The following CEP170B variants were observed in gnomAD, a reference collection of about 807,000 sequenced individuals.
CEP170B encodes the protein centrosomal protein 170B.
A neutral mutation model predicts 120.6 loss-of-function variants in CEP170B; 55 were observed. The ratio of observed to expected loss-of-function variants is 0.46; its 90% CI spans 0.37 to 0.57. The LOEUF (loss-of-function observed/expected upper bound fraction) is 0.57. CEP170B is among the 20% of genes least tolerant of loss of function. The probability of loss-of-function intolerance (pLI) is 0.00; values close to 1 mark genes in which losing one functional copy is unlikely to be tolerated. For missense variants in CEP170B, 2,212 were observed against 2,253.3 expected, an observed-to-expected ratio of 0.98 and a Z score of 0.37; for synonymous variants, 1,033 against 954.5, an observed-to-expected ratio of 1.08 and a Z score of -1.52.
At chr14:104,877,543 G>A (rs1313769715) in intron 3 of CEP170B, among the ~76,000 whole-genome samples, 1 of 152,242 alleles carries the variant, frequency 6.6e-6, no homozygotes, top group South Asian at 2.1e-4. Context: ...GCCAAGGTGG[G>A]GGCTGGGGCC....
At position 104,888,542 on chromosome 14, in the gene CEP170B, G is replaced by A. The variant is rs529862019; in HGVS notation, c.3739+564G>A. Among the ~76,000 whole-genome samples, 4 of 152,368 alleles carry A rather than the reference G, an allele frequency of 2.6e-5. No homozygotes were observed. In the South Asian group the frequency reaches 8.3e-4, roughly 32 times the overall value. On this transcript the variant is annotated intron_variant, in intron 12 of 18. Coordinates refer to ENST00000414716, the MANE Select transcript of CEP170B (RefSeq NM_001112726.3). The stretch of plus-strand genomic sequence containing the variant: ...TGCCCTGCCCCCCAGATGTCCATGG[G>A]CACAGCAAGCGGGGATGGTCCTCTG...
In CEP170B at chr14:104,883,856, G is replaced by C; in HGVS notation, c.1077G>C (p.Gln359His). 6.4e-7 allele frequency: 1 copy of C among 1,568,238 alleles called. No individual in the cohort carries two copies. Among genetic ancestry groups the C allele is most frequent in the Non-Finnish European group, 8.6e-7 (1 of 1,157,454 alleles). ...LKGHKHEDGT[Q>H]SDSEDPLAKA... is the part of the protein sequence containing the mutation. ...GCCACAAGCACGAGGACGGCACGCA[G>C]AGTGACTCAGAGGACCCCCTGGCCA... The change falls in exon 9 of 19, where the codon CAG becomes CAC. Residue 359 changes from glutamine (Q) to histidine (H), a missense_variant. Coordinates refer to ENST00000414716, the MANE Select transcript of CEP170B (RefSeq NM_001112726.3).
chr14:104,887,434 C>G lies in CEP170B; in HGVS notation c.3195C>G (p.His1065Gln), dbSNP rs371581289. Residue 1065 changes from histidine (H) to glutamine (Q), a missense_variant, in exon 12 of 19, where the codon CAC (histidine) becomes CAG (glutamine). Around this residue, in one of 2 missense-constraint regions of CEP170B, gnomAD observed 2,166 missense variants for 2,166.7 expected, o/e 1.00. Transcript: ENST00000414716. ...GCTCAGATGTGATGGCCTCCAACCACGAAACCCCTGAGGCCACCGGGGCAG... is the reference window on the plus strand; with the variant it reads ...GCTCAGATGTGATGGCCTCCAACCAGGAAACCCCTGAGGCCACCGGGGCAG... ...LPSSDVMASN[H>Q]ETPEATGAGR... is the part of the protein sequence containing the mutation. The G allele has an allele frequency of 6.2e-7, 1 of 1,611,426 alleles. No individual in the cohort carries two copies. The highest frequency in any genetic ancestry group is 1.3e-5 in the African/African-American group (1 of 75,056).
intron 7 of CEP170B, 47 bp from the exon 8 acceptor site, chr14:104,882,988 C>T: frequency 1.4e-6 from 2 of 1,469,596 alleles, no homozygotes; most frequent in Non-Finnish European, 1.8e-6. Flanking sequence ...AGGGTGGTGG[C>T]AGGTGGTTAC....
chr14:104,893,132 G>C lies in CEP170B; in HGVS notation c.4035G>C (p.Glu1345Asp). The change falls in exon 14 of 19, where the codon GAG (glutamate) becomes GAC (aspartate). Residue 1345 changes from glutamate (E) to aspartate (D), a missense_variant. Physicochemically the swap from Glu to Asp is conservative, Grantham distance 45. This residue lies in a region of CEP170B where 2,166 missense variants were observed against 2,166.7 expected (regional missense o/e 1.00). Transcript: ENST00000414716. ...STPASTISAR[E>D]ELVQRIPEAS... Reference sequence around the variant, plus strand: ...CCGCCTCGACCATCTCTGCCCGGGAGGAGGTGAGCCCCAGGCTTTCTGAGG... The same window carrying C: ...CCGCCTCGACCATCTCTGCCCGGGACGAGGTGAGCCCCAGGCTTTCTGAGG... The C allele has an allele frequency of 1.2e-6, 2 of 1,608,234 alleles. No individual in the cohort carries two copies. Among genetic ancestry groups the C allele is most frequent in the Non-Finnish European group, 1.7e-6 (2 of 1,178,706 alleles).
rs1595337698 is a variant in CEP170B at position 104,882,806 on chromosome 14, C to G, written c.551C>G (p.Ala184Gly). 2 of 1,612,130 alleles carry G rather than the reference C, an allele frequency of 1.2e-6. No homozygotes were observed. Among genetic ancestry groups the G allele is most frequent in the Admixed American group, 1.7e-5 (1 of 59,974 alleles). ...GEDDGSTLPD[A>G]QRQGEPYPER... Reference sequence around the variant, plus strand: ...GACGATGGTAGCACGCTGCCTGACGCCCAGCGCCAGGGAGAGCCCTACCCA... The same window carrying G: ...GACGATGGTAGCACGCTGCCTGACGGCCAGCGCCAGGGAGAGCCCTACCCA... Residue 184 changes from alanine (A) to glycine (G), a missense_variant, in exon 7 of 19, where the codon GCC (alanine) becomes GGC (glycine). Ala to Gly is a moderately conservative substitution (Grantham distance 60). Around this residue, in one of 2 missense-constraint regions of CEP170B, gnomAD observed 2,166 missense variants for 2,166.7 expected, o/e 1.00. Transcript: ENST00000414716.
rs1302396037 is a variant in CEP170B at position 104,883,302 on chromosome 14, A to G, written c.845A>G (p.Lys282Arg). The G allele has an allele frequency of 1.2e-6, 2 of 1,612,044 alleles. No homozygotes were observed. Among genetic ancestry groups the G allele is most frequent in the East Asian group, 4.5e-5 (2 of 44,836 alleles). The change falls in exon 8 of 19, where the codon AAG becomes AGG. Residue 282 changes from lysine (K) to arginine (R), a missense_variant. Around this residue, in one of 2 missense-constraint regions of CEP170B, gnomAD observed 2,166 missense variants for 2,166.7 expected, o/e 1.00. Coordinates refer to ENST00000414716, the MANE Select transcript of CEP170B (RefSeq NM_001112726.3). ...GATGACTGCAGCCCTGGCAAGATGA[A>G]GATCAAGGACCATATCACCAAGTTT... is the stretch of plus-strand genomic sequence containing the variant. ...EFDDCSPGKM[K>R]IKDHITKFSL...
In CEP170B at chr14:104,884,195, A is replaced by G. The variant is rs1401852375; in HGVS notation, c.1416A>G (p.Thr472=). 7 of 1,545,564 alleles carry G rather than the reference A, an allele frequency of 4.5e-6. No individual in the cohort carries two copies. Among genetic ancestry groups the G allele is most frequent in the Non-Finnish European group, 3.5e-6 (4 of 1,148,002 alleles). Residue 472 remains threonine (T), a synonymous_variant, in exon 9 of 19, where the codon ACA becomes ACG. Transcript: ENST00000414716. ...QRAGSLKREK[T]EERLGSPSPA... ...CCGGCTCGCTCAAGCGGGAGAAGAC[A>G]GAGGAACGGCTGGGCAGCCCCTCGC...
rs528418617 is a variant in CEP170B at position 104,893,516 on chromosome 14, C to T, written c.4039-7C>T. The stretch of plus-strand genomic sequence containing the variant: ...GGGGCCCACGGTGCCGGCCCTCCCT[C>T]TTGCAGCTGGTGCAGCGCATCCCCG... On this transcript the variant is annotated splice_polypyrimidine_tract_variant and splice_region_variant and intron_variant, in intron 14 of 18. Transcript: ENST00000414716. 6.2e-7 allele frequency: 1 copy of T among 1,601,098 alleles called. No homozygotes were observed. The highest frequency in any genetic ancestry group is 8.5e-7 in the Non-Finnish European group (1 of 1,175,550).
In CEP170B at chr14:104,887,057, G is replaced by T. The variant is rs779648551; in HGVS notation, c.2818G>T (p.Gly940Cys). Residue 940 changes from glycine to cysteine, a missense_variant, in exon 12 of 19, where the codon GGC becomes TGC. Gly to Cys is a radical substitution (Grantham distance 159). Coordinates refer to ENST00000414716, the MANE Select transcript of CEP170B (RefSeq NM_001112726.3). Reference protein sequence around the residue: ...SNSVDAECEGGSTPRPPEDAL... With the variant: ...SNSVDAECEGCSTPRPPEDAL... The stretch of plus-strand genomic sequence containing the variant: ...TTCTGTGGATGCCGAGTGTGAGGGG[G>T]GCAGCACCCCGAGGCCGCCGGAGGA... 2.5e-6 allele frequency: 4 copies of T among 1,611,394 alleles called. No homozygotes were observed. The African/African-American group carries it at 4.0e-5, about 16-fold the overall frequency.
intron 3 of CEP170B, 53 bp from the exon 4 acceptor site, chr14:104,877,832 A>ACCCCCCCCCCCCCCCCCCCCCCC: frequency 3.3e-6 from 1 of 307,622 alleles, no homozygotes; most frequent in Non-Finnish European, 5.2e-6. Context: ...CCCTGCCCAC[A>ACCCCCCCCCCCCCCCCCCCCCCC]GCCACCCACC....
chr14:104,894,619 G>A, intron 18 of CEP170B, 31 bp downstream of exon 18: 1 of 1,605,998 alleles, frequency 6.2e-7, no homozygotes, highest in Non-Finnish European at 8.5e-7. Context: ...GGGCAGCAAG[G>A]GAGGCTGGCA....
rs1456077542 is a variant in CEP170B at position 104,867,565 on chromosome 14, G to GCT, written c.-27-857_-27-856dup. Among the ~76,000 whole-genome samples the GCT allele has an allele frequency of 3.3e-5, 5 of 152,136 alleles. No homozygotes were observed. The highest frequency in any genetic ancestry group is 1.2e-4 in the African/African-American group (5 of 41,426). On this transcript the variant is annotated intron_variant, in intron 1 of 18. Coordinates refer to ENST00000414716, the MANE Select transcript of CEP170B (RefSeq NM_001112726.3). The surrounding 1 kb of genome is among the most constrained non-coding windows in gnomAD (Gnocchi z 5.4). ...GTGCCCAGGACATGTGTGCTGGCAT[G>GCT]CTCCGGGCTTGCAGGGTGCATGCTG...
chr14:104,867,876 T>C lies in CEP170B; in HGVS notation c.-27-548T>C, dbSNP rs1279412657. Among the ~76,000 whole-genome samples, 1 of 151,926 alleles carries C rather than the reference T, an allele frequency of 6.6e-6. No homozygotes were observed. Among genetic ancestry groups the C allele is most frequent in the African/African-American group, 2.4e-5 (1 of 41,356 alleles). ...ACATATTGCTGACTCAGGGCCCCTG[T>C]CTCCAGCTCTGTCCCTGCTGCCCCT... On this transcript the variant is annotated intron_variant, in intron 1 of 18. Transcript: ENST00000414716. This position sits in a 1 kb window ranked among gnomAD's most constrained non-coding sequence, Gnocchi z 5.4.
rs1049393589 is a variant in CEP170B at position 104,886,923 on chromosome 14, T to C, written c.2684T>C (p.Leu895Pro). The C allele has an allele frequency of 6.2e-7, 1 of 1,609,750 alleles. No homozygotes were observed. The highest frequency in any genetic ancestry group is 8.5e-7 in the Non-Finnish European group (1 of 1,179,788). Residue 895 changes from leucine to proline, a missense_variant, in exon 12 of 19, where the codon CTG becomes CCG. Physicochemically the swap from Leu to Pro is moderately conservative, Grantham distance 98. Around this residue, in one of 2 missense-constraint regions of CEP170B, gnomAD observed 2,166 missense variants for 2,166.7 expected, o/e 1.00. Coordinates refer to ENST00000414716, the MANE Select transcript of CEP170B (RefSeq NM_001112726.3). ...TCCAGCCACCCGCTTCTACAGGACCTGGCCGCTACCCGGGCCGCACGCATG... is the reference window on the plus strand; with the variant it reads ...TCCAGCCACCCGCTTCTACAGGACCCGGCCGCTACCCGGGCCGCACGCATG... ...HISSHPLLQD[L>P]AATRAARMDF...
At position 104,887,100 on chromosome 14, in the gene CEP170B, C is replaced by A. The variant is rs750967971; in HGVS notation, c.2861C>A (p.Ser954Ter). The change falls in exon 12 of 19, where the codon TCG becomes TAG. Residue 954 changes from serine (S) to a stop codon, truncating the protein, a stop_gained. Transcript: ENST00000414716. LOFTEE classifies it high-confidence loss of function. ...RPPEDALSGDSDVDTASTVSL... is the reference protein window; with the variant it reads ...RPPEDALSGD ...CCGGAGGACGCCCTGTCTGGGGACT[C>A]GGACGTGGACACAGCCAGCACCGTC... 1 of 1,611,212 alleles carries A rather than the reference C, an allele frequency of 6.2e-7. No homozygotes were observed. Among genetic ancestry groups the A allele is most frequent in the South Asian group, 1.1e-5 (1 of 91,068 alleles).
At chr14:104,889,125 C>T (rs1896663265) in intron 12 of CEP170B, among the ~76,000 whole-genome samples, 1 of 152,212 alleles carries the variant, frequency 6.6e-6, no homozygotes, top group South Asian at 2.1e-4. Flanking sequence ...CTGACTGGTC[C>T]TTGCCTGTCT....
rs1222118539 is a variant in CEP170B, at chr14:104,893,113, C to G, written c.4016C>G (p.Ser1339Trp). 5 of 1,609,358 alleles carry G rather than the reference C, an allele frequency of 3.1e-6. No individual in the cohort carries two copies. The African/African-American group carries it at 5.3e-5, about 17-fold the overall frequency. Residue 1339 changes from serine to tryptophan, a missense_variant, in exon 14 of 19, where the codon TCG becomes TGG. Physicochemically the swap from Ser to Trp is radical, Grantham distance 177 (BLOSUM62 -3). This residue lies in a region of CEP170B where 2,166 missense variants were observed against 2,166.7 expected (regional missense o/e 1.00). Coordinates refer to ENST00000414716, the MANE Select transcript of CEP170B (RefSeq NM_001112726.3). ...SLSNMPSTPA[S>W]TISAREELVQ... ...AGCAACATGCCCAGCACCCCCGCCT[C>G]GACCATCTCTGCCCGGGAGGAGGTG...
intron 2 of CEP170B, among the ~76,000 whole-genome samples, chr14:104,875,195 A>G (rs943298427): frequency 3.3e-5 from 5 of 152,186 alleles, no homozygotes; most frequent in African/African-American, 1.2e-4. Context: ...GCTGGCACTC[A>G]GGAGGGACTT....
Sources: gnomAD v4.1 joint callset for allele counts (sites outside exome capture counted in the v4.1 genomes callset) on GRCh38, gnomAD v4.1.1 for gene constraint, gnomAD v4.1.1 regional missense constraint, Gnocchi (gnomAD v3.1) non-coding constraint, MANE v1.5 for transcripts, NCBI Gene and HGNC (gene_info 2026-07-23, HGNC 2026-07-21) for gene names.